SH3KBP1: variants seen among roughly 807,000 people sequenced by gnomAD.
SH3KBP1 encodes the protein SH3 domain-containing kinase-binding protein 1.
Under a neutral mutation model 50.1 loss-of-function variants are expected in SH3KBP1, and 8 were observed. That is an observed-to-expected ratio of 0.16 (90% confidence interval 0.09 to 0.29). SH3KBP1 has a LOEUF of 0.29. Ranked by LOEUF, SH3KBP1 falls within the 10% of genes least tolerant of loss-of-function variation. The pLI is 1.00. For synonymous variants in SH3KBP1, 227 were observed against 218.6 expected, an observed-to-expected ratio of 1.04 and a Z score of -0.34; for missense variants, 377 against 535.2, an observed-to-expected ratio of 0.70 and a Z score of 2.92.
rs375369593 is a variant in SH3KBP1, at chrX:19,623,970, A to G, written c.897+7894T>C. 2.7e-4 allele frequency among the ~76,000 whole-genome samples: 30 copies of G among 112,038 alleles called. 1 individual carries two copies. In the South Asian group the frequency reaches 5.2e-3, roughly 19 times the overall value. ...CTTCTTCTAATAACTTATCATAGCA[A>G]TAACTATGATTTAACCTTTAAAGAA... is the stretch of plus-strand genomic sequence containing the variant. On this transcript the variant is annotated intron_variant, in intron 8 of 17. Transcript: ENST00000397821.
intron 3 of SH3KBP1, among the ~76,000 whole-genome samples, chrX:19,707,435 C>T (rs775335302): frequency 3.7e-4 from 41 of 111,907 alleles, no homozygotes; most frequent in Non-Finnish European, 7.0e-4. Context: ...AGTATCCTGG[C>T]CTTTTTCTTA....
chrX:19,745,681 G>A (rs2064898712), intron 3 of SH3KBP1, among the ~76,000 whole-genome samples: 1 of 111,829 alleles, frequency 8.9e-6, no homozygotes, highest in Admixed American at 9.4e-5. Context: ...AAAATTGAGT[G>A]GGGTCGTCTC....
intron 1 of SH3KBP1, among the ~76,000 whole-genome samples, chrX:19,841,910 G>A (rs1225994026): frequency 2.3e-5 from 2 of 87,015 alleles, no homozygotes; most frequent in African/African-American, 8.3e-5. Flanking sequence ...ATTGATGCGG[G>A]CGGGGGGGTG....
chrX:19,814,309 T>C (rs925144043), intron 2 of SH3KBP1, among the ~76,000 whole-genome samples: 1 of 110,513 alleles, frequency 9.0e-6, no homozygotes, highest in Non-Finnish European at 1.9e-5. Flanking sequence ...CTTCCACCCT[T>C]CCCCCTTGCA....
intron 2 of SH3KBP1, among the ~76,000 whole-genome samples, chrX:19,803,760 A>G (rs1435910691): frequency 8.9e-6 from 1 of 111,752 alleles, no homozygotes; most frequent in Non-Finnish European, 1.9e-5. Context: ...AAAAAATAAA[A>G]TAAAATAAAA....
chrX:19,876,084 CGTGGTGGCTCACGCCT>C (rs1174623545), intron 1 of SH3KBP1, among the ~76,000 whole-genome samples: 1 of 112,253 alleles, frequency 8.9e-6, no homozygotes, highest in East Asian at 2.8e-4. Flanking sequence ...TAAGGCCGGG[CGTGGTGGCTCACGCCT>C]GTAATCCTAG....
intron 13 of SH3KBP1, among the ~76,000 whole-genome samples, chrX:19,550,897 C>A (rs1424010806): frequency 9.0e-6 from 1 of 111,195 alleles, no homozygotes; most frequent in Non-Finnish European, 1.9e-5. Context: ...CCTGTTATTT[C>A]AGCCAGTTTT....
chrX:19,615,490 C>T (rs2067580485), intron 8 of SH3KBP1, among the ~76,000 whole-genome samples: 1 of 112,019 alleles, frequency 8.9e-6, no homozygotes, highest in African/African-American at 3.2e-5. Flanking sequence ...CCTCAGCATC[C>T]ACCAGCAGTA....
rs867189765 is a variant in SH3KBP1 at position 19,680,376 on chromosome X, G to A, written c.726+3447C>T. On this transcript the variant is annotated intron_variant, in intron 6 of 17. Coordinates refer to ENST00000397821, the MANE Select transcript of SH3KBP1 (RefSeq NM_031892.3). ...GCCTAGGCAACAGAGCAAGACTCTT[G>A]TTTCAAAAAAAAAAAAAAAAAAAAA... Among the ~76,000 whole-genome samples the A allele has an allele frequency of 3.5e-4, 22 of 62,831 alleles. No homozygotes were observed. In the South Asian group the frequency reaches 0.02, roughly 57 times the overall value. 54.6% of individuals were successfully genotyped at this position (62,831 alleles called of 115,157 possible).
intron 1 of SH3KBP1, among the ~76,000 whole-genome samples, chrX:19,865,498 A>C (rs1039046005): frequency 8.9e-6 from 1 of 112,233 alleles, no homozygotes; most frequent in Non-Finnish European, 1.9e-5. Context: ...CCTTCCAACT[A>C]GCTGGGAGTG....
At position 19,550,066 on chromosome X, in the gene SH3KBP1, A is replaced by T. The variant is rs2065195880; in HGVS notation, c.1402T>A (p.Ser468Thr). The T allele has an allele frequency of 8.3e-7, 1 of 1,203,091 alleles. No individual in the cohort carries two copies. The highest frequency in any genetic ancestry group is 1.1e-6 in the Non-Finnish European group (1 of 889,936). ...AGTTTCTCAGTAGATGATACCACGG[A>T]GTCAAAACCTTCTAAGTCTAAAACA... ...SNDIDLEGFD[S>T]VVSSTEKLSH... The change falls in exon 14 of 18, where the codon TCC becomes ACC. Residue 468 changes from serine (S) to threonine (T), a missense_variant. Coordinates refer to ENST00000397821, the MANE Select transcript of SH3KBP1 (RefSeq NM_031892.3).
At chrX:19,706,541 A>G (rs2063654701) in intron 4 of SH3KBP1, among the ~76,000 whole-genome samples, 1 of 110,856 alleles carries the variant, frequency 9.0e-6, no homozygotes, top group South Asian at 3.8e-4. Flanking sequence ...TGAATACTAA[A>G]TCCATGCTCT....
At chrX:19,777,877 G>T (rs2066029671) in intron 2 of SH3KBP1, among the ~76,000 whole-genome samples, 1 of 111,401 alleles carries the variant, frequency 9.0e-6, no homozygotes. Context: ...CCAGCAGTCG[G>T]TGTTTGAGCA....
chrX:19,577,748 A>AG (rs373828746), intron 12 of SH3KBP1, among the ~76,000 whole-genome samples: 1 of 110,879 alleles, frequency 9.0e-6, no homozygotes, highest in African/African-American at 3.3e-5. Context: ...AAAAAAAAAA[A>AG]TACCAAAAAG....
chrX:19,590,051 G>C (rs978186000), intron 11 of SH3KBP1, among the ~76,000 whole-genome samples: 1 of 111,119 alleles, frequency 9.0e-6, no homozygotes, highest in Non-Finnish European at 1.9e-5. Flanking sequence ...CGAGTCTGCA[G>C]TGAGCTACAA....
chrX:19,661,552 C>CTTT (rs772898760), intron 6 of SH3KBP1, among the ~76,000 whole-genome samples: 8 of 67,076 alleles, frequency 1.2e-4, no homozygotes, highest in African/African-American at 3.7e-4. Context: ...TAGCTTTTTA[C>CTTT]TTTTTTTTTT....
chrX:19,662,770 C>T (rs968031539), intron 6 of SH3KBP1, among the ~76,000 whole-genome samples: 2 of 108,853 alleles, frequency 1.8e-5, no homozygotes, highest in Non-Finnish European at 3.8e-5. Flanking sequence ...AGCATCTCCA[C>T]TTAACATGAA....
chrX:19,836,224 G>A lies in SH3KBP1; in HGVS notation c.63C>T (p.Ser21=), dbSNP rs746278084. 3.3e-6 allele frequency: 4 copies of A among 1,209,215 alleles called. No homozygotes were observed. Among genetic ancestry groups the A allele is most frequent in the South Asian group, 1.8e-5 (1 of 56,906 alleles). ...QAQHDDELTI[S]VGEIITNIRK... ...TGATGTTGGTGATGATTTCACCCAC[G>A]CTGATCGTCAGCTCATCATCGTGCT... Residue 21 remains serine (S), a synonymous_variant, in exon 2 of 18, where the codon AGC becomes AGT. Transcript: ENST00000397821.
chrX:19,853,478 G>T (rs1195272221), intron 1 of SH3KBP1, among the ~76,000 whole-genome samples: 1 of 111,094 alleles, frequency 9.0e-6, no homozygotes, highest in East Asian at 2.8e-4. Flanking sequence ...GCATAGGGCT[G>T]GGTACCTAAA....
Sources: gnomAD v4.1 joint callset for allele counts (sites outside exome capture counted in the v4.1 genomes callset) on GRCh38, gnomAD v4.1.1 for gene constraint, MANE v1.5 for transcripts, NCBI Gene and HGNC (gene_info 2026-07-23, HGNC 2026-07-21) for gene names.